Variants in SDAD1 observed in about 807,000 individuals in gnomAD.
SDAD1 encodes protein SDA1 homolog.
In SDAD1, 79 loss-of-function variants were observed where a neutral mutation model predicts 100.3. The ratio of observed to expected loss-of-function variants is 0.79; its 90% CI spans 0.66 to 0.95. SDAD1 has a LOEUF of 0.95. Among genes scored for constraint, SDAD1 ranks in the 40% least tolerant of loss-of-function variants. SDAD1 has a pLI of 0.00. For synonymous variants in SDAD1, 267 were observed against 271.4 expected (o/e 0.98, Z 0.16); for missense variants, 790 against 810.9 (o/e 0.97, Z 0.31).
intron 1 of SDAD1, 159 bp downstream of exon 1, chr4:75,990,593 T>C: frequency 6.7e-7 from 1 of 1,491,522 alleles, no homozygotes; most frequent in South Asian, 1.2e-5. Flanking sequence ...CCCTAAGGCA[T>C]GTCCCGTCCC....
At chr4:75,988,886 C>T (rs572948860) in intron 1 of SDAD1, among the ~76,000 whole-genome samples, 40 of 152,314 alleles carry the variant, frequency 2.6e-4, no homozygotes, top group African/African-American at 9.6e-4. Flanking sequence ...CAGCACGAAT[C>T]TTTGCCCATA....
At chr4:75,974,734 C>T (rs1205618381) in intron 6 of SDAD1, among the ~76,000 whole-genome samples, 3 of 141,548 alleles carry the variant, frequency 2.1e-5, no homozygotes, top group Non-Finnish European at 4.7e-5. Flanking sequence ...CAAAAATAAT[C>T]GAGAATTTAA....
rs546173500 is a variant in SDAD1 at position 75,962,217 on chromosome 4, A to C, written c.1182-909T>G. On this transcript the variant is annotated intron_variant, in intron 14 of 21. Coordinates refer to ENST00000356260, the MANE Select transcript of SDAD1 (RefSeq NM_018115.4). ...TCCAGCTTCATCCATGTCCCTGCAA[A>C]GGACATGAACTCATCCTTTTTTATG... Among the ~76,000 whole-genome samples, 6 of 152,354 alleles carry C rather than the reference A, an allele frequency of 3.9e-5. No individual in the cohort carries two copies. The East Asian group carries it at 1.2e-3, about 29-fold the overall frequency.
At chr4:75,989,637 G>C (rs1480400829) in intron 1 of SDAD1, among the ~76,000 whole-genome samples, 1 of 152,210 alleles carries the variant, frequency 6.6e-6, no homozygotes, top group East Asian at 1.9e-4. Flanking sequence ...TCAGCAGCAG[G>C]AGTTATCTAA....
Position 75,971,373 on chromosome 4 carries a change from G to A in SDAD1, c.797C>T (p.Ala266Val), listed in dbSNP as rs745968559. The A allele has an allele frequency of 6.2e-7, 1 of 1,612,866 alleles. No homozygotes were observed. Among genetic ancestry groups the A allele is most frequent in the Non-Finnish European group, 8.5e-7 (1 of 1,179,072 alleles). Reference sequence around the variant, plus strand: ...AAGTCCCACCTTGAGCACTTTCATTGCCTTTTCCAACTTTTTCTTGTTTTT... The same window carrying A: ...AAGTCCCACCTTGAGCACTTTCATTACCTTTTCCAACTTTTTCTTGTTTTT... ...SSKNKKKLEK[A>V]MKVLKKQKKK... Residue 266 changes from alanine to valine, a missense_variant, in exon 9 of 22, where the codon GCA (alanine) becomes GTA (valine). Physicochemically the swap from Ala to Val is moderately conservative, Grantham distance 64. Transcript: ENST00000356260.
chr4:75,964,615 G>A (rs975173616), intron 13 of SDAD1, among the ~76,000 whole-genome samples: 3 of 152,128 alleles, frequency 2.0e-5, no homozygotes, highest in African/African-American at 2.4e-5. Flanking sequence ...AGAAGAAAAC[G>A]GTGAGGGAAG....
intron 14 of SDAD1, among the ~76,000 whole-genome samples, chr4:75,962,850 C>T (rs989585083): frequency 1.3e-5 from 2 of 152,122 alleles, no homozygotes; most frequent in East Asian, 1.9e-4. Context: ...GTTGCCTGTT[C>T]ACTCTGATGG....
chr4:75,982,133 G>A (rs1730562303), intron 1 of SDAD1, 96 bp from the exon 2 acceptor site: 3 of 675,992 alleles, frequency 4.4e-6, no homozygotes, highest in Admixed American at 3.1e-5. Context: ...AACTGTTGAC[G>A]ATCACATGGA....
intron 13 of SDAD1, 132 bp downstream of exon 13, chr4:75,965,632 C>T (rs1729495271): frequency 1.3e-6 from 1 of 753,122 alleles, no homozygotes; most frequent in South Asian, 1.5e-5. Context: ...ATTTCTCAGA[C>T]CATCTGACAA....
chr4:75,986,433 T>C (rs1730898672), intron 1 of SDAD1, among the ~76,000 whole-genome samples: 1 of 152,178 alleles, frequency 6.6e-6, no homozygotes, highest in Non-Finnish European at 1.5e-5. Context: ...GATGATCTTA[T>C]CTCCAATTTC....
chr4:75,959,096 T>TAAA (rs1729072792), intron 17 of SDAD1, among the ~76,000 whole-genome samples: 1 of 5,438 alleles, frequency 1.8e-4, no homozygotes, highest in Admixed American at 2.6e-3. Context: ...AGACTCTGTC[T>TAAA]CAAAAAAAAA....
At chr4:75,981,850 G>T in intron 2 of SDAD1, 83 bp downstream of exon 2, 1 of 984,894 alleles carries the variant, frequency 1.0e-6, no homozygotes, top group Non-Finnish European at 1.5e-6. Flanking sequence ...ATTCCAGAGT[G>T]GAATAAGGTT....
intron 3 of SDAD1, among the ~76,000 whole-genome samples, chr4:75,978,368 T>C (rs917207156): frequency 2.0e-5 from 3 of 151,630 alleles, no homozygotes; most frequent in Non-Finnish European, 2.9e-5. Context: ...TTTTTTTTTT[T>C]TTTCTATTTT....
intron 6 of SDAD1, among the ~76,000 whole-genome samples, chr4:75,974,416 AAAAAC>A (rs1191904366): frequency 5.9e-5 from 9 of 151,930 alleles, no homozygotes; most frequent in Non-Finnish European, 1.0e-4. Flanking sequence ...AAAAAAAAAA[AAAAAC>A]AACAACTGAG....
chr4:75,959,248 G>C (rs28435759), intron 17 of SDAD1, among the ~76,000 whole-genome samples: 8 of 151,704 alleles, frequency 5.3e-5, no homozygotes, highest in Non-Finnish European at 1.0e-4. Context: ...CTCTAGAGCA[G>C]AAATAATACC....
At chr4:75,983,566 GT>G (rs1250296084) in intron 1 of SDAD1, among the ~76,000 whole-genome samples, 1 of 151,766 alleles carries the variant, frequency 6.6e-6, no homozygotes, top group African/African-American at 2.4e-5. Context: ...TTTTTTCACT[GT>G]TTGTTGGCCG....
At chr4:75,974,452 A>C (rs2149322967) in intron 6 of SDAD1, among the ~76,000 whole-genome samples, 1 of 151,542 alleles carries the variant, frequency 6.6e-6, no homozygotes, top group South Asian at 2.1e-4. Context: ...ACAGTGGCTC[A>C]TTCCTGTAAT....
At chr4:75,990,696 C>T (rs374451009) in intron 1 of SDAD1, 56 bp downstream of exon 1, 21 of 1,610,662 alleles carry the variant, frequency 1.3e-5, no homozygotes, top group Non-Finnish European at 1.7e-5. Context: ...TTTCCCGCAC[C>T]GGCGTCTCAA....
intron 1 of SDAD1, among the ~76,000 whole-genome samples, chr4:75,990,341 G>T (rs1026869044): frequency 6.8e-6 from 1 of 147,698 alleles, no homozygotes; most frequent in Non-Finnish European, 1.5e-5. Flanking sequence ...GACGTCAATC[G>T]AAAGCATTCT....
Sources: allele counts gnomAD v4.1 joint callset (sites outside exome capture counted in the v4.1 genomes callset), GRCh38; gene constraint gnomAD v4.1.1; transcripts MANE v1.5; gene names NCBI Gene and HGNC (gene_info 2026-07-23, HGNC 2026-07-21).